ARMH3: variants seen among roughly 807,000 people sequenced by gnomAD.
ARMH3 encodes armadillo like helical domain containing 3.
In ARMH3, 60 loss-of-function variants were observed where a neutral mutation model predicts 99.1. The ratio of observed to expected loss-of-function variants is 0.61; its 90% CI spans 0.49 to 0.75. The LOEUF is 0.75. Among genes scored for constraint, ARMH3 ranks in the 30% least tolerant of loss-of-function variants. The pLI is 0.00. For missense variants in ARMH3, 679 were observed against 843.1 expected (o/e 0.81, Z 2.41); for synonymous variants, 285 against 292.8 (o/e 0.97, Z 0.27).
chr10:101,884,053 T>C (rs1324086793), intron 24 of ARMH3, among the ~76,000 whole-genome samples: 2 of 151,206 alleles, frequency 1.3e-5, no homozygotes, highest in Admixed American at 1.3e-4. Flanking sequence ...TGCAGGCCAC[T>C]AGCGAGGGAC....
intron 19 of ARMH3, among the ~76,000 whole-genome samples, chr10:101,990,179 CTTTTTTT>C (rs762793068): frequency 3.0e-5 from 4 of 134,580 alleles, no homozygotes; most frequent in Non-Finnish European, 6.5e-5. Flanking sequence ...CATGAACTTT[CTTTTTTT>C]TTTTTTTTTT....
At chr10:101,956,853 C>T (rs1055589112) in intron 21 of ARMH3, 130 bp from the exon 22 acceptor site, 1 of 880,950 alleles carries the variant, frequency 1.1e-6, no homozygotes, top group Non-Finnish European at 1.5e-6. Flanking sequence ...TTTTGTAAGC[C>T]AGTTGTTAAA....
chr10:101,959,269 C>A (rs1264967283), intron 20 of ARMH3, among the ~76,000 whole-genome samples: 1 of 152,144 alleles, frequency 6.6e-6, no homozygotes, highest in Non-Finnish European at 1.5e-5. Context: ...ATGACTAACC[C>A]AAACTTCCCT....
intron 1 of ARMH3, among the ~76,000 whole-genome samples, chr10:102,043,265 G>C (rs1478316494): frequency 6.6e-6 from 1 of 152,144 alleles, no homozygotes; most frequent in African/African-American, 2.4e-5. Context: ...ACTGAGATTA[G>C]AACACAGGTC....
intron 20 of ARMH3, among the ~76,000 whole-genome samples, chr10:101,965,306 G>A (rs574104889): frequency 2.6e-5 from 4 of 152,248 alleles, no homozygotes; most frequent in East Asian, 1.9e-4. Context: ...TGACATTCAC[G>A]TCAAAGTACA....
intron 19 of ARMH3, among the ~76,000 whole-genome samples, chr10:101,985,404 A>G (rs989792288): frequency 2.6e-5 from 4 of 151,484 alleles, no homozygotes; most frequent in African/African-American, 9.7e-5. Context: ...ATACATGTGT[A>G]TATGTGTGTG....
At chr10:101,987,273 T>G (rs1454691955) in intron 19 of ARMH3, among the ~76,000 whole-genome samples, 1 of 152,164 alleles carries the variant, frequency 6.6e-6, no homozygotes, top group Non-Finnish European at 1.5e-5. Flanking sequence ...TTTTCTAGCC[T>G]CCAAGCACCT....
chr10:102,024,716 G>A (rs968795872), intron 6 of ARMH3, among the ~76,000 whole-genome samples: 4 of 151,944 alleles, frequency 2.6e-5, no homozygotes, highest in Admixed American at 2.0e-4. Flanking sequence ...CTACTTGGGA[G>A]GCTGAGGCAG....
intron 19 of ARMH3, among the ~76,000 whole-genome samples, chr10:101,980,709 C>T (rs774595842): frequency 5.9e-5 from 9 of 152,028 alleles, no homozygotes; most frequent in Admixed American, 2.0e-4. Context: ...TGACAGCTGA[C>T]GGAATCAAGC....
At chr10:101,874,631 T>TA (rs1045697015) in intron 24 of ARMH3, among the ~76,000 whole-genome samples, 1 of 152,210 alleles carries the variant, frequency 6.6e-6, no homozygotes, top group African/African-American at 2.4e-5. Flanking sequence ...AATCATTTGC[T>TA]AAGCTGAGGA....
intron 23 of ARMH3, among the ~76,000 whole-genome samples, chr10:101,896,515 C>G (rs911198475): frequency 6.6e-6 from 1 of 152,138 alleles, no homozygotes. Flanking sequence ...GATGGTTGTA[C>G]AACCCTATGA....
intron 24 of ARMH3, among the ~76,000 whole-genome samples, chr10:101,883,868 T>C (rs766532918): frequency 6.6e-6 from 1 of 151,928 alleles, no homozygotes; most frequent in Non-Finnish European, 1.5e-5. Context: ...TGGCATGCAC[T>C]TGTGGTCCTA....
At chr10:101,911,154 GAGAC>G (rs1166214030) in intron 23 of ARMH3, among the ~76,000 whole-genome samples, 1 of 151,082 alleles carries the variant, frequency 6.6e-6, no homozygotes, top group South Asian at 2.1e-4. Flanking sequence ...AAAAAAAAAA[GAGAC>G]AGAAGGTGAT....
At chr10:102,043,818 A>G (rs924350947) in intron 1 of ARMH3, among the ~76,000 whole-genome samples, 4 of 152,240 alleles carry the variant, frequency 2.6e-5, no homozygotes, top group African/African-American at 9.6e-5. Context: ...AAATCCCCTC[A>G]ACTGAATGGT....
At chr10:101,857,454 T>C (rs1368400560) in intron 24 of ARMH3, among the ~76,000 whole-genome samples, 6 of 151,860 alleles carry the variant, frequency 4.0e-5, no homozygotes, top group African/African-American at 1.5e-4. Context: ...CAAAAAAAAA[T>C]AGTGCTGAGC....
chr10:101,934,543 A>G (rs1843867925), intron 23 of ARMH3, among the ~76,000 whole-genome samples: 1 of 152,236 alleles, frequency 6.6e-6, no homozygotes, highest in African/African-American at 2.4e-5. Flanking sequence ...GAAAAAAGTT[A>G]ATACATTAAC....
At chr10:101,958,142 T>C (rs370276881) in intron 20 of ARMH3, among the ~76,000 whole-genome samples, 35 of 152,198 alleles carry the variant, frequency 2.3e-4, no homozygotes, top group East Asian at 9.6e-4. Flanking sequence ...GCTTTAGACA[T>C]GTATCTGTTT....
At position 101,992,010 on chromosome 10, in the gene ARMH3, T is replaced by C; in HGVS notation, c.1304A>G (p.Asp435Gly). ...MPMRHRKKAA[D>G]KNLPCRPLVC... ...TAAAGGACGGCAGGGAAGATTCTTG[T>C]CTGCTGCCTTCTTCCTGTGTCTCAT... Residue 435 changes from aspartate (D) to glycine (G), a missense_variant, in exon 18 of 26, where the codon GAC (aspartate) becomes GGC (glycine). This residue lies in a region of ARMH3 where 389 missense variants were observed against 456.5 expected (regional missense o/e 0.85). Coordinates refer to ENST00000370033, the MANE Select transcript of ARMH3 (RefSeq NM_024541.3). The C allele has an allele frequency of 1.2e-6, 2 of 1,614,188 alleles. No homozygotes were observed. The highest frequency in any genetic ancestry group is 1.1e-5 in the South Asian group (1 of 91,086).
intron 19 of ARMH3, among the ~76,000 whole-genome samples, chr10:101,985,941 C>T (rs1846478166): frequency 6.6e-6 from 1 of 151,946 alleles, no homozygotes; most frequent in African/African-American, 2.4e-5. Flanking sequence ...TCATTTGAAC[C>T]TGGGGGGCGG....
Sources: gnomAD v4.1 joint callset for allele counts (sites outside exome capture counted in the v4.1 genomes callset) on GRCh38, gnomAD v4.1.1 for gene constraint, gnomAD v4.1.1 regional missense constraint, MANE v1.5 for transcripts, NCBI Gene and HGNC (gene_info 2026-07-23, HGNC 2026-07-21) for gene names.